EVC2: variants seen among roughly 807,000 people sequenced by gnomAD.
The protein encoded by EVC2 is EvC ciliary complex subunit 2, also known as limbin.
A neutral mutation model predicts 149.3 loss-of-function variants in EVC2; 148 were observed. The observed-to-expected ratio is 0.99, with a 90% CI of 0.87 to 1.14. The LOEUF is 1.14. Among genes scored for constraint, EVC2 ranks in the 50% most tolerant of loss-of-function variants. The probability of loss-of-function intolerance (pLI) is 0.00; values close to 1 mark genes in which losing one functional copy is unlikely to be tolerated. For missense variants in EVC2, 1,854 were observed against 1,627.3 expected (o/e 1.14, Z -2.40); for synonymous variants, 776 against 649.9 (o/e 1.19, Z -2.95).
At chr4:5,551,295 G>T (rs1363854577) in intron 21 of EVC2, among the ~76,000 whole-genome samples, 3 of 152,200 alleles carry the variant, frequency 2.0e-5, no homozygotes, top group Non-Finnish European at 4.4e-5. Context: ...AAGACACAGG[G>T]GTAGAGTTGC....
intron 1 of EVC2, among the ~76,000 whole-genome samples, chr4:5,706,185 T>A (rs1175137183): frequency 6.6e-6 from 1 of 151,706 alleles, no homozygotes; most frequent in South Asian, 2.1e-4. Context: ...TCCTCCACCC[T>A]CTCTCACGGC....
chr4:5,600,434 T>C (rs1416874139), intron 16 of EVC2, among the ~76,000 whole-genome samples: 1 of 152,182 alleles, frequency 6.6e-6, no homozygotes, highest in Non-Finnish European at 1.5e-5. Flanking sequence ...TTTCTAATGA[T>C]AAAGTACATG....
chr4:5,709,454 A>G (rs997143228), upstream of EVC2: 1 of 152,234 alleles, frequency 6.6e-6, no homozygotes. Flanking sequence ...GGCCCCTGGC[A>G]GCCTCTCTCC....
At chr4:5,578,530 T>C (rs1299203240) in intron 17 of EVC2, among the ~76,000 whole-genome samples, 1 of 152,102 alleles carries the variant, frequency 6.6e-6, no homozygotes. Flanking sequence ...TCAGGGGTGA[T>C]TTCAGGTGTC....
chr4:5,708,566 G>T (rs1365398748), upstream of EVC2: 6 of 1,293,142 alleles, frequency 4.6e-6, no homozygotes, highest in South Asian at 3.4e-5. Flanking sequence ...AGTCGCTGGA[G>T]CTTCCGGACC....
At position 5,567,910 on chromosome 4, in the gene EVC2, A is replaced by G. The variant is rs908051851; in HGVS notation, c.3557+534T>C. Among the ~76,000 whole-genome samples, 5 of 152,236 alleles carry G rather than the reference A, an allele frequency of 3.3e-5. No individual in the cohort carries two copies. The highest frequency in any genetic ancestry group is 1.2e-4 in the African/African-American group (5 of 41,460). Reference sequence around the variant, plus strand: ...CTAAGTAATGGGATAAGAATTACATAGGGGGATGTTTGCATGAGCGTTAAA... The same window carrying G: ...CTAAGTAATGGGATAAGAATTACATGGGGGGATGTTTGCATGAGCGTTAAA... On this transcript the variant is annotated intron_variant, in intron 20 of 21. Coordinates refer to ENST00000344408, the MANE Select transcript of EVC2 (RefSeq NM_147127.5). The surrounding 1 kb of genome is among the most constrained non-coding windows in gnomAD (Gnocchi z 4.4).
At chr4:5,641,397 A>T (rs2108865234) in intron 9 of EVC2, among the ~76,000 whole-genome samples, 1 of 152,354 alleles carries the variant, frequency 6.6e-6, no homozygotes, top group Non-Finnish European at 1.5e-5. Flanking sequence ...TGTTAATAAT[A>T]GGGGAACCTG....
chr4:5,638,198 G>C (rs888536230), intron 10 of EVC2, among the ~76,000 whole-genome samples: 5 of 152,102 alleles, frequency 3.3e-5, no homozygotes, highest in Non-Finnish European at 7.4e-5. Context: ...AGATCAGTGT[G>C]GCCAACATGG....
At chr4:5,682,476 G>A (rs1233514979) in intron 6 of EVC2, among the ~76,000 whole-genome samples, 1 of 149,802 alleles carries the variant, frequency 6.7e-6, no homozygotes, top group African/African-American at 2.5e-5. Flanking sequence ...GGTGACAAGA[G>A]TGAAATGCTG....
chr4:5,564,128 G>A (rs1328684804), intron 21 of EVC2, among the ~76,000 whole-genome samples: 1 of 152,174 alleles, frequency 6.6e-6, no homozygotes, highest in Non-Finnish European at 1.5e-5. Flanking sequence ...GAAGGCATGT[G>A]GTAGATTCCA....
At chr4:5,660,218 T>G (rs1021809442) in intron 9 of EVC2, among the ~76,000 whole-genome samples, 1 of 152,134 alleles carries the variant, frequency 6.6e-6, no homozygotes, top group African/African-American at 2.4e-5. Context: ...CACCCAGAAA[T>G]GGATTAACAA....
At chr4:5,672,939 G>A (rs1164017760) in intron 7 of EVC2, among the ~76,000 whole-genome samples, 1 of 152,164 alleles carries the variant, frequency 6.6e-6, no homozygotes, top group Non-Finnish European at 1.5e-5. Flanking sequence ...AAATGTACAG[G>A]GTCGGCAAAT....
chr4:5,615,826 G>T (rs1715205996), intron 15 of EVC2, among the ~76,000 whole-genome samples: 1 of 152,194 alleles, frequency 6.6e-6, no homozygotes, highest in Non-Finnish European at 1.5e-5. Flanking sequence ...CAGACCCAAG[G>T]CGTGTCCACC....
rs202210260 is a variant in EVC2 at position 5,632,025 on chromosome 4, A to G, written c.1478T>C (p.Val493Ala). 1.5e-4 allele frequency: 246 copies of G among 1,614,066 alleles called. 8 individuals are homozygous for G. Among genetic ancestry groups the G allele is most frequent in the South Asian group, 9.3e-4 (85 of 91,082 alleles). ...GGTCCGCAGAAGGTTGCTGCACTCT[A>G]CAGCAGACTGGAGAGAGGAAAGGGA... The part of the protein sequence containing the change: ...LLKRAGERSA[V>A]ECSNLLRTLH... The change falls in exon 11 of 22, where the codon GTA becomes GCA. Residue 493 changes from valine to alanine, a missense_variant. Val to Ala is a moderately conservative substitution (Grantham distance 64). Transcript: ENST00000344408.
intron 9 of EVC2, among the ~76,000 whole-genome samples, chr4:5,650,191 C>T (rs1415171109): frequency 6.6e-6 from 1 of 152,120 alleles, no homozygotes; most frequent in Non-Finnish European, 1.5e-5. Flanking sequence ...CTAACTCTTC[C>T]TTCCTGGGAT....
At chr4:5,671,801 C>A (rs1719668519) in intron 7 of EVC2, among the ~76,000 whole-genome samples, 1 of 152,228 alleles carries the variant, frequency 6.6e-6, no homozygotes, top group Admixed American at 6.5e-5. Context: ...TCAGCCACTG[C>A]GCCTGGCCTC....
intron 20 of EVC2, among the ~76,000 whole-genome samples, chr4:5,566,992 G>A (rs892468098): frequency 6.6e-6 from 1 of 152,028 alleles, no homozygotes; most frequent in African/African-American, 2.4e-5. Context: ...TAATATGATT[G>A]GCTCCTAATA....
intron 10 of EVC2, among the ~76,000 whole-genome samples, chr4:5,638,902 G>A (rs898754959): frequency 2.0e-5 from 3 of 152,112 alleles, no homozygotes; most frequent in African/African-American, 4.8e-5. Flanking sequence ...GATTTTGGAC[G>A]TCTGGCCTCC....
chr4:5,557,491 A>G (rs1415685682), downstream of EVC2, among the ~76,000 whole-genome samples: 4 of 152,180 alleles, frequency 2.6e-5, no homozygotes, highest in African/African-American at 9.6e-5. Context: ...TCTTCAGATC[A>G]AGAATAAGGC....
Sources: gnomAD v4.1 joint callset for allele counts (sites outside exome capture counted in the v4.1 genomes callset) on GRCh38, gnomAD v4.1.1 for gene constraint, Gnocchi (gnomAD v3.1) non-coding constraint, MANE v1.5 for transcripts, NCBI Gene and HGNC (gene_info 2026-07-23, HGNC 2026-07-21) for gene names.